Variants in FIZ1 observed in about 807,000 individuals in gnomAD.
FIZ1 encodes the protein FLT3 interacting zinc finger 1.
In FIZ1, 2 loss-of-function variants were observed where a neutral mutation model predicts 5.3. The observed-to-expected ratio is 0.37, with a 90% confidence interval of 0.15 to 1.18. The LOEUF (loss-of-function observed/expected upper bound fraction) is 1.18, where lower values mean the gene tolerates loss of function less well. FIZ1 is among the 50% of genes most tolerant of loss of function. The pLI is 0.37. For synonymous variants in FIZ1, 407 were observed against 364.2 expected (o/e 1.12, Z -1.34); for missense variants, 631 against 749.7 (o/e 0.84, Z 1.85).
Position 55,592,291 on chromosome 19 carries a change from T to C in FIZ1, c.*159A>G, listed in dbSNP as rs1016107079. On this transcript the variant is annotated 3_prime_UTR_variant, in exon 3 of 3. Transcript: ENST00000221665. This position sits in a 1 kb window ranked among gnomAD's most constrained non-coding sequence, Gnocchi z 6.9. Reference sequence around the variant, plus strand: ...CCAGCTCCGGGGCCTTTGTGGGTTTTTGGTGGCCCCCACCTCTCCAGTCAG... The same window carrying C: ...CCAGCTCCGGGGCCTTTGTGGGTTTCTGGTGGCCCCCACCTCTCCAGTCAG... 3.8e-6 allele frequency: 3 copies of C among 784,868 alleles called. No homozygotes were observed. The highest frequency in any genetic ancestry group is 3.8e-4 in the Middle Eastern group (1 of 2,660). The allele number at this position is 784,868 out of a possible 1,614,324, so 48.6% of individuals were successfully genotyped here. A position where few individuals can be genotyped will look rare whatever the true frequency, so the allele number is the denominator to read the frequency against.
At position 55,592,150 on chromosome 19, in the gene FIZ1, C is replaced by T; in HGVS notation, c.*300G>A. The T allele has an allele frequency of 2.3e-6, 1 of 426,378 alleles. No individual in the cohort carries two copies. Among genetic ancestry groups the T allele is most frequent in the Non-Finnish European group, 4.2e-6 (1 of 239,828 alleles). The allele number at this position is 426,378 out of a possible 1,614,324, so 26.4% of individuals were successfully genotyped here. A position where few individuals can be genotyped will look rare whatever the true frequency, so the allele number is the denominator to read the frequency against. On this transcript the variant is annotated 3_prime_UTR_variant, in exon 3 of 3. Coordinates refer to ENST00000221665, the MANE Select transcript of FIZ1 (RefSeq NM_032836.3). The surrounding 1 kb of genome is among the most constrained non-coding windows in gnomAD (Gnocchi z 6.9). Reference sequence around the variant, plus strand: ...GACCCATTGCTCACTGCAAAGTCCCCATGTCTTGGGGACTTACGGCTACCC... The same window carrying T: ...GACCCATTGCTCACTGCAAAGTCCCTATGTCTTGGGGACTTACGGCTACCC...
intron 2 of FIZ1, among the ~76,000 whole-genome samples, chr19:55,596,532 C>T (rs1980334325): frequency 6.6e-6 from 1 of 152,132 alleles, no homozygotes; most frequent in Non-Finnish European, 1.5e-5. Context: ...CTTGCTGTTC[C>T]TGCTGCCTGG....
At chr19:55,596,515 C>T (rs1980333974) in intron 2 of FIZ1, among the ~76,000 whole-genome samples, 1 of 152,188 alleles carries the variant, frequency 6.6e-6, no homozygotes, top group African/African-American at 2.4e-5. Flanking sequence ...TCCTCAGGGC[C>T]TTTGCACTTG....
At chr19:55,594,988 G>A (rs901707245) in intron 2 of FIZ1, among the ~76,000 whole-genome samples, 4 of 152,346 alleles carry the variant, frequency 2.6e-5, no homozygotes, top group Admixed American at 1.3e-4. Flanking sequence ...GAATCTCCCA[G>A]GAGGGAGTCC....
Position 55,592,987 on chromosome 19 carries a change from T to G in FIZ1, c.954A>C (p.Ala318=), listed in dbSNP as rs1980103036. 3.9e-6 allele frequency: 6 copies of G among 1,525,644 alleles called. No homozygotes were observed. The East Asian group carries it at 1.3e-4, about 34-fold the overall frequency. The allele number at this position is 1,525,644 out of a possible 1,614,324, so 94.5% of individuals were successfully genotyped here. A position where few individuals can be genotyped will look rare whatever the true frequency, so the allele number is the denominator to read the frequency against. Residue 318 remains alanine (A), a synonymous_variant, in exon 3 of 3, where the codon GCA becomes GCC. Coordinates refer to ENST00000221665, the MANE Select transcript of FIZ1 (RefSeq NM_032836.3). The surrounding 1 kb of genome is among the most constrained non-coding windows in gnomAD (Gnocchi z 6.9). ...CCGAGGGCTCGGCGGCCGCCGCAGGTGCAGGCGCCTCCCCACCGCCCTCGG... is the reference window on the plus strand; with the variant it reads ...CCGAGGGCTCGGCGGCCGCCGCAGGGGCAGGCGCCTCCCCACCGCCCTCGG... The part of the protein sequence containing the change: ...LLPEGGGEAP[A]PAAAAEPSED...
At chr19:55,597,527 G>GTCC (rs1391599831) in intron 2 of FIZ1, 45 bp downstream of exon 2, 1 of 1,582,698 alleles carries the variant, frequency 6.3e-7, no homozygotes, top group Non-Finnish European at 8.6e-7. Context: ...TCCCACCGTA[G>GTCC]TCCTGACCAG....
intron 1 of FIZ1, 158 bp from the exon 2 acceptor site, chr19:55,598,059 C>T: frequency 1.2e-6 from 1 of 852,826 alleles, no homozygotes; most frequent in East Asian, 2.7e-5. Context: ...CTCCTACTCT[C>T]TTAGAAACCC....
Position 55,592,433 on chromosome 19 carries a change from C to T in FIZ1, c.*17G>A. 2 of 1,530,716 alleles carry T rather than the reference C, an allele frequency of 1.3e-6. No individual in the cohort carries two copies. Among genetic ancestry groups the T allele is most frequent in the East Asian group, 2.4e-5 (1 of 41,532 alleles). 94.8% of individuals were successfully genotyped at this position (1,530,716 alleles called of 1,614,324 possible). ...CCAGGAGGCTGGGTGGAGGGCAGGG[C>T]GCACGCAGCCTGGCAGTCAGTCCAT... On this transcript the variant is annotated 3_prime_UTR_variant, in exon 3 of 3. Transcript: ENST00000221665. The surrounding 1 kb of genome is among the most constrained non-coding windows in gnomAD (Gnocchi z 6.9).
intron 1 of FIZ1, chr19:55,598,106 T>G (rs1415777306): frequency 1.6e-6 from 1 of 619,320 alleles, no homozygotes; most frequent in African/African-American, 1.8e-5. Context: ...AAAATCTTCC[T>G]AATCACTTCA....
At position 55,593,092 on chromosome 19, in the gene FIZ1, G is replaced by A. The variant is rs1232507091; in HGVS notation, c.849C>T (p.Gly283=). The change falls in exon 3 of 3, where the codon GGC becomes GGT. Residue 283 remains glycine (G), a synonymous_variant. Transcript: ENST00000221665. This position sits in a 1 kb window ranked among gnomAD's most constrained non-coding sequence, Gnocchi z 6.3. The stretch of plus-strand genomic sequence containing the variant: ...TGCGGTCCGAAGCCAGAGGAGCGTC[G>A]CCCGCCTCCGCAGCGGTGCCTTCGC... ...TAGEGTAAEA[G]DAPLASDRRL... 19 of 1,329,578 alleles carry A rather than the reference G, an allele frequency of 1.4e-5. No homozygotes were observed. Among genetic ancestry groups the A allele is most frequent in the Non-Finnish European group, 1.7e-5 (18 of 1,045,618 alleles). The allele number at this position is 1,329,578 out of a possible 1,614,324, so 82.4% of individuals were successfully genotyped here.
At position 55,597,821 on chromosome 19, in the gene FIZ1, G is replaced by A. The variant is rs779412433; in HGVS notation, c.45C>T (p.Ala15=). The change falls in exon 2 of 3, where the codon GCC becomes GCT. Residue 15 remains alanine (A), a synonymous_variant. Transcript: ENST00000221665. The stretch of plus-strand genomic sequence containing the variant: ...GAAACGGGACCCTGGGGGCGGCAGC[G>A]GCGGGCGGTGCTGGTGCAGGGGTTG... The part of the protein sequence containing the change: ...PAPTPAPAPP[A]AAAPRVPFHC... 1.2e-6 allele frequency: 2 copies of A among 1,611,886 alleles called. No individual in the cohort carries two copies. The highest frequency in any genetic ancestry group is 3.3e-5 in the Admixed American group (2 of 59,710).
Position 55,593,496 on chromosome 19 carries a change from C to T in FIZ1, c.445G>A (p.Ala149Thr), listed in dbSNP as rs1287933393. The change falls in exon 3 of 3, where the codon GCG becomes ACG. Residue 149 changes from alanine to threonine, a missense_variant. Physicochemically the swap from Ala to Thr is moderately conservative, Grantham distance 58. This residue lies in a region of FIZ1 where 463 missense variants were observed against 455.1 expected (regional missense o/e 1.02). Coordinates refer to ENST00000221665, the MANE Select transcript of FIZ1 (RefSeq NM_032836.3). The surrounding 1 kb of genome is among the most constrained non-coding windows in gnomAD (Gnocchi z 6.3). The part of the protein sequence containing the change: ...QPGPGLPALS[A>T]PCSVCCNVGP... ...ACATTGCAGCAGACGGAGCAGGGCG[C>T]ACTCAAGGCGGGCAGGCCAGGGCCG... The T allele has an allele frequency of 4.5e-6, 7 of 1,549,284 alleles. No individual in the cohort carries two copies. Among genetic ancestry groups the T allele is most frequent in the Admixed American group, 2.0e-5 (1 of 50,926 alleles).
Position 55,593,398 on chromosome 19 carries a change from C to A in FIZ1, c.543G>T (p.Leu181=). The A allele has an allele frequency of 7.0e-7, 1 of 1,436,650 alleles. No individual in the cohort carries two copies. The highest frequency in any genetic ancestry group is 1.5e-5 in the South Asian group (1 of 68,408). 89.0% of individuals were successfully genotyped at this position (1,436,650 alleles called of 1,614,324 possible). ...CCGCCTCTGCCAGCCCCCAGCTGCC[C>A]AGACCCGCGCCTGCCCCCTCGGGGC... ...GEGPEGAGAG[L]GSWGLAEAAA... is the part of the protein sequence containing the mutation. The change falls in exon 3 of 3, where the codon CTG becomes CTT. Residue 181 remains leucine, a synonymous_variant. Transcript: ENST00000221665. This position sits in a 1 kb window ranked among gnomAD's most constrained non-coding sequence, Gnocchi z 6.3.
At chr19:55,595,118 G>A (rs1357764582) in intron 2 of FIZ1, among the ~76,000 whole-genome samples, 16 of 152,104 alleles carry the variant, frequency 1.1e-4, no homozygotes, top group Admixed American at 1.0e-3. Context: ...GAATAACAGA[G>A]AGAGATTTGT....
Position 55,597,823 on chromosome 19 carries a change from C to G in FIZ1, c.43G>C (p.Ala15Pro). The change falls in exon 2 of 3, where the codon GCC (alanine) becomes CCC (proline). Residue 15 changes from alanine (A) to proline (P), a missense_variant. Physicochemically the swap from Ala to Pro is conservative, Grantham distance 27. Transcript: ENST00000221665. ...AACGGGACCCTGGGGGCGGCAGCGG[C>G]GGGCGGTGCTGGTGCAGGGGTTGGG... ...PAPTPAPAPP[A>P]AAAPRVPFHC... 6.2e-7 allele frequency: 1 copy of G among 1,600,278 alleles called. No homozygotes were observed. The highest frequency in any genetic ancestry group is 8.5e-7 in the Non-Finnish European group (1 of 1,172,840).
intron 2 of FIZ1, among the ~76,000 whole-genome samples, chr19:55,595,196 G>A (rs1910582532): frequency 6.6e-6 from 1 of 152,200 alleles, no homozygotes; most frequent in Admixed American, 6.5e-5. Context: ...AGAGTGCAGT[G>A]CTTGATTAGT....
At position 55,592,925 on chromosome 19, in the gene FIZ1, A is replaced by G; in HGVS notation, c.1016T>C (p.Phe339Ser). 6.4e-7 allele frequency: 1 copy of G among 1,554,008 alleles called. No homozygotes were observed. The highest frequency in any genetic ancestry group is 2.5e-5 in the East Asian group (1 of 40,760). ...ACTGGCCAGGGCCGCGGCCGACGCA[A>G]AGAAGGTCCCGCAGTCGCACTGGTA... ...TLYQCDCGTF[F>S]ASAAALASHL... The change falls in exon 3 of 3, where the codon TTT (phenylalanine) becomes TCT (serine). Residue 339 changes from phenylalanine (F) to serine (S), a missense_variant. By Grantham distance (155) the Phe-to-Ser change is radical. Around this residue, in one of 4 missense-constraint regions of FIZ1, gnomAD observed 463 missense variants for 455.1 expected, o/e 1.02. Coordinates refer to ENST00000221665, the MANE Select transcript of FIZ1 (RefSeq NM_032836.3). This position sits in a 1 kb window ranked among gnomAD's most constrained non-coding sequence, Gnocchi z 6.9.
chr19:55,593,618 C>A lies in FIZ1; in HGVS notation c.323G>T (p.Cys108Phe). ...QVVHTGEKPY[C>F]CLVCELRFSS... ...GAAGCGGAGCTCGCAGACCAGGCAG[C>A]AGTAGGGTTTCTCACCAGTGTGGAC... The change falls in exon 3 of 3, where the codon TGC becomes TTC. Residue 108 changes from cysteine (C) to phenylalanine (F), a missense_variant. Cys to Phe is a radical substitution (Grantham distance 205). Transcript: ENST00000221665. This position sits in a 1 kb window ranked among gnomAD's most constrained non-coding sequence, Gnocchi z 6.3. 6.4e-7 allele frequency: 1 copy of A among 1,551,414 alleles called. No homozygotes were observed. The highest frequency in any genetic ancestry group is 8.7e-7 in the Non-Finnish European group (1 of 1,146,990).
rs982032733 is a variant in FIZ1, at chr19:55,592,332, G to C, written c.*118C>G. 30 of 1,081,992 alleles carry C rather than the reference G, an allele frequency of 2.8e-5. No homozygotes were observed. Among genetic ancestry groups the C allele is most frequent in the Non-Finnish European group, 3.6e-5 (28 of 779,718 alleles). 67.0% of individuals were successfully genotyped at this position (1,081,992 alleles called of 1,614,324 possible). Reference sequence around the variant, plus strand: ...CTCCAGTCAGGGTCCCCTCATTTCAGGGCCTGCGTCTGGATTTGGATTTGG... The same window carrying C: ...CTCCAGTCAGGGTCCCCTCATTTCACGGCCTGCGTCTGGATTTGGATTTGG... On this transcript the variant is annotated 3_prime_UTR_variant, in exon 3 of 3. Transcript: ENST00000221665. This position sits in a 1 kb window ranked among gnomAD's most constrained non-coding sequence, Gnocchi z 6.9.
Sources: gnomAD v4.1 joint callset for allele counts (sites outside exome capture counted in the v4.1 genomes callset) on GRCh38, gnomAD v4.1.1 for gene constraint, gnomAD v4.1.1 regional missense constraint, Gnocchi (gnomAD v3.1) non-coding constraint, MANE v1.5 for transcripts, NCBI Gene and HGNC (gene_info 2026-07-23, HGNC 2026-07-21) for gene names.